The following ZYG11A variants were observed in gnomAD, a reference collection of about 807,000 sequenced individuals.
The protein encoded by ZYG11A is protein zyg-11 homolog A.
In ZYG11A, 62 loss-of-function variants were observed where a neutral mutation model predicts 77.2. The ratio of observed to expected loss-of-function variants is 0.80; its 90% CI spans 0.65 to 0.99. The LOEUF is 0.99. Among genes scored for constraint, ZYG11A ranks in the 50% least tolerant of loss-of-function variants. The pLI is 0.00. For synonymous variants in ZYG11A, 315 were observed against 324.6 expected (o/e 0.97, Z 0.32); for missense variants, 828 against 896.8 (o/e 0.92, Z 0.98).
intron 1 of ZYG11A, among the ~76,000 whole-genome samples, chr1:52,846,631 G>A (rs948981229): frequency 2.0e-5 from 3 of 151,700 alleles, no homozygotes; most frequent in South Asian, 2.1e-4. Context: ...AAGCCATCGC[G>A]CCCGGCCAAT....
intron 5 of ZYG11A, among the ~76,000 whole-genome samples, chr1:52,864,713 C>T (rs1239765551): frequency 2.0e-5 from 3 of 151,840 alleles, no homozygotes; most frequent in Admixed American, 6.6e-5. Context: ...GGTATGATCT[C>T]GGCTCACCGC....
At chr1:52,879,759 T>TTTA (rs1418130445) in intron 10 of ZYG11A, among the ~76,000 whole-genome samples, 38 of 149,706 alleles carry the variant, frequency 2.5e-4, no homozygotes, top group Admixed American at 2.4e-3. Flanking sequence ...TATTTATTTA[T>TTTA]TTATTTATTT....
intron 3 of ZYG11A, 80 bp from the exon 4 acceptor site, chr1:52,860,650 GC>G (rs989163554): frequency 1.2e-5 from 17 of 1,426,618 alleles, no homozygotes; most frequent in Non-Finnish European, 1.6e-5. Flanking sequence ...AACACTGGAT[GC>G]CCCAAAAACC....
intron 10 of ZYG11A, among the ~76,000 whole-genome samples, 152 bp downstream of exon 10, chr1:52,878,121 G>A (rs1486278343): frequency 6.6e-6 from 1 of 152,174 alleles, no homozygotes; most frequent in East Asian, 1.9e-4. Context: ...AAATACTATT[G>A]TATATCAGTT....
intron 1 of ZYG11A, among the ~76,000 whole-genome samples, chr1:52,847,868 A>G (rs867423362): frequency 1.4e-5 from 1 of 72,552 alleles, no homozygotes; most frequent in Admixed American, 1.1e-4. Flanking sequence ...TTATTTATTT[A>G]TTTATTTATT....
At chr1:52,870,194 G>C (rs1169078397) in intron 8 of ZYG11A, among the ~76,000 whole-genome samples, 1 of 65,596 alleles carries the variant, frequency 1.5e-5, no homozygotes, top group Admixed American at 1.4e-4. Flanking sequence ...GATGGCGGCC[G>C]GGAAGAGACG....
intron 1 of ZYG11A, among the ~76,000 whole-genome samples, chr1:52,847,246 T>C (rs1425276631): frequency 6.6e-6 from 1 of 152,198 alleles, no homozygotes; most frequent in East Asian, 1.9e-4. Context: ...TTTGTATTTT[T>C]AGTAGAGACA....
At chr1:52,874,638 A>T (rs1424480280) in intron 8 of ZYG11A, among the ~76,000 whole-genome samples, 1 of 152,170 alleles carries the variant, frequency 6.6e-6, no homozygotes, top group Non-Finnish European at 1.5e-5. Flanking sequence ...AGGCTGAGGC[A>T]GGCGGATCAT....
intron 10 of ZYG11A, among the ~76,000 whole-genome samples, chr1:52,879,799 G>A (rs1005646990): frequency 2.1e-5 from 3 of 144,078 alleles, no homozygotes; most frequent in Admixed American, 1.4e-4. Flanking sequence ...TCTCGCTCTT[G>A]TCACCCAGGC....
intron 8 of ZYG11A, 121 bp downstream of exon 8, chr1:52,867,898 C>T (rs1286702164): frequency 1.3e-6 from 1 of 743,500 alleles, no homozygotes; most frequent in Non-Finnish European, 2.1e-6. Context: ...GTAAGACTTT[C>T]TCCCCAGAAG....
chr1:52,844,267 CT>C (rs1205361251), intron 1 of ZYG11A, among the ~76,000 whole-genome samples: 1 of 152,190 alleles, frequency 6.6e-6, no homozygotes, highest in Non-Finnish European at 1.5e-5. Context: ...ATATTAACGC[CT>C]TGTTGGAAGA....
chr1:52,886,280 G>A (rs965580736), intron 12 of ZYG11A, among the ~76,000 whole-genome samples: 5 of 152,072 alleles, frequency 3.3e-5, no homozygotes, highest in Admixed American at 6.5e-5. Context: ...CAGTGATAAC[G>A]TGTTAGAGTC....
chr1:52,860,001 T>G (rs1645897441), intron 3 of ZYG11A, among the ~76,000 whole-genome samples: 1 of 152,104 alleles, frequency 6.6e-6, no homozygotes, highest in African/African-American at 2.4e-5. Context: ...TACTATAACT[T>G]TATATGAAGT....
chr1:52,843,051 A>G, intron 1 of ZYG11A, 78 bp downstream of exon 1: 1 of 1,305,334 alleles, frequency 7.7e-7, no homozygotes, highest in Non-Finnish European at 1.0e-6. Flanking sequence ...GTCTCCTGGG[A>G]CGCTGCCGAG....
At chr1:52,866,139 GTGCTA>G (rs1213388818) in intron 5 of ZYG11A, among the ~76,000 whole-genome samples, 3 of 151,790 alleles carry the variant, frequency 2.0e-5, no homozygotes, top group Non-Finnish European at 2.9e-5. Context: ...GGGTTTCACT[GTGCTA>G]GCCAGGTTGG....
chr1:52,871,783 AC>A (rs1272642513), intron 8 of ZYG11A, among the ~76,000 whole-genome samples: 37 of 152,160 alleles, frequency 2.4e-4, no homozygotes, highest in African/African-American at 8.9e-4. Flanking sequence ...CTGTGCAGAC[AC>A]CAGAATTGGC....
intron 3 of ZYG11A, 58 bp from the exon 4 acceptor site, chr1:52,860,673 A>AATGAATGGTGAAAAAAT (rs1645910522): frequency 2.0e-6 from 3 of 1,535,832 alleles, no homozygotes; most frequent in African/African-American, 1.4e-5. Flanking sequence ...TGTGGTTAAA[A>AATGAATGGTGAAAAAAT]ATGAATGGTG....
At chr1:52,848,510 A>G (rs373409419) in intron 1 of ZYG11A, among the ~76,000 whole-genome samples, 14 of 152,350 alleles carry the variant, frequency 9.2e-5, no homozygotes, top group East Asian at 7.7e-4. Flanking sequence ...ATAAAATGAC[A>G]TAAAATAAAG....
intron 11 of ZYG11A, among the ~76,000 whole-genome samples, chr1:52,884,839 A>G (rs1646419879): frequency 6.6e-6 from 1 of 151,908 alleles, no homozygotes; most frequent in African/African-American, 2.4e-5. Context: ...GTTTTTATTA[A>G]GGATCACAGA....
Sources: allele counts gnomAD v4.1 joint callset (sites outside exome capture counted in the v4.1 genomes callset), GRCh38; gene constraint gnomAD v4.1.1; transcripts MANE v1.5; gene names NCBI Gene and HGNC (gene_info 2026-07-23, HGNC 2026-07-21).